The following CCBE1 variants were observed in gnomAD, a reference collection of about 807,000 sequenced individuals.
The protein encoded by CCBE1 is collagen and calcium-binding EGF domain-containing protein 1.
CCBE1 carries 37 observed loss-of-function variants against 50.0 expected under a neutral mutation model. The observed-to-expected ratio is 0.74, with a 90% CI of 0.57 to 0.97. The LOEUF (loss-of-function observed/expected upper bound fraction) is 0.97, where lower values mean the gene tolerates loss of function less well. CCBE1 is among the 50% of genes least tolerant of loss of function. The pLI is 0.00. For missense variants in CCBE1, 538 were observed against 523.8 expected, an observed-to-expected ratio of 1.03 and a Z score of -0.26; for synonymous variants, 234 against 203.7, an observed-to-expected ratio of 1.15 and a Z score of -1.27.
chr18:59,492,575 AG>A (rs1402603856), intron 2 of CCBE1, among the ~76,000 whole-genome samples: 1 of 152,092 alleles, frequency 6.6e-6, no homozygotes, highest in Non-Finnish European at 1.5e-5. Flanking sequence ...GTGATTGCGG[AG>A]GTGATGAGCC....
At chr18:59,666,929 C>A (rs1446813540) in intron 2 of CCBE1, among the ~76,000 whole-genome samples, 1 of 152,172 alleles carries the variant, frequency 6.6e-6, no homozygotes, top group Non-Finnish European at 1.5e-5. Context: ...CGTGCCACTG[C>A]ACTCCAGCCT....
At chr18:59,526,955 C>G (rs1223780861) in intron 2 of CCBE1, among the ~76,000 whole-genome samples, 2 of 151,830 alleles carry the variant, frequency 1.3e-5, no homozygotes, top group Non-Finnish European at 2.9e-5. Context: ...GAATAAGTAC[C>G]AAGTGGTGCT....
chr18:59,439,980 C>T lies in CCBE1; in HGVS notation c.776-164G>A, dbSNP rs11152148. Among the ~76,000 whole-genome samples the T allele has an allele frequency of 0.39, 59,490 of 152,106 alleles. 12,410 individuals are homozygous for T. The highest frequency in any genetic ancestry group is 0.66 in the East Asian group (3,404 of 5,162). On this transcript the variant is annotated intron_variant, in intron 7 of 10. Transcript: ENST00000439986. Reference sequence around the variant, plus strand: ...TCCCACAGGCATTTTAAACTTGATACGATCAAAAGCGGCTTCCCCATCTTC... The same window carrying T: ...TCCCACAGGCATTTTAAACTTGATATGATCAAAAGCGGCTTCCCCATCTTC...
At position 59,432,230 on chromosome 18, in the gene CCBE1, G is replaced by A. The variant is rs913723344; in HGVS notation, c.*3678C>T. ...CCCGCCTCAGCCTCCCAAAGTGTTG[G>A]GATTACAGGCATAACCACTGTGCCT... On this transcript the variant is annotated 3_prime_UTR_variant, in exon 11 of 11. Coordinates refer to ENST00000439986, the MANE Select transcript of CCBE1 (RefSeq NM_133459.4). 6.6e-6 allele frequency: 1 copy of A among 152,116 alleles called. No individual in the cohort carries two copies. 9.4% of individuals were successfully genotyped at this position (152,116 alleles called of 1,614,324 possible).
chr18:59,540,262 T>C (rs1915417954), intron 2 of CCBE1, among the ~76,000 whole-genome samples: 1 of 152,212 alleles, frequency 6.6e-6, no homozygotes, highest in Admixed American at 6.5e-5. Flanking sequence ...GTTTTTAGTA[T>C]TCATAATGGA....
At chr18:59,439,915 ACT>A (rs1910343358) in intron 7 of CCBE1, 99 bp from the exon 8 acceptor site, 1 of 1,318,318 alleles carries the variant, frequency 7.6e-7, no homozygotes, top group Non-Finnish European at 1.1e-6. Context: ...TTCTCTTTGT[ACT>A]CTCTCTGCCT....
intron 2 of CCBE1, among the ~76,000 whole-genome samples, chr18:59,494,873 A>AGGGG (rs1568170287): frequency 1.8e-4 from 28 of 152,020 alleles, no homozygotes; most frequent in African/African-American, 6.5e-4. Context: ...CCAGGGAGGG[A>AGGGG]CCAGGTGCTG....
chr18:59,624,484 C>T (rs2053753356), intron 2 of CCBE1, among the ~76,000 whole-genome samples: 1 of 152,194 alleles, frequency 6.6e-6, no homozygotes, highest in Non-Finnish European at 1.5e-5. Context: ...ATCTGGTGAA[C>T]ATAACTTTGC....
intron 2 of CCBE1, among the ~76,000 whole-genome samples, chr18:59,639,658 A>G (rs1191712363): frequency 6.6e-6 from 1 of 152,214 alleles, no homozygotes; most frequent in Admixed American, 6.5e-5. Flanking sequence ...TAGGCAAGAG[A>G]AAGAAATAAA....
At chr18:59,529,132 G>A (rs1914946791) in intron 2 of CCBE1, among the ~76,000 whole-genome samples, 1 of 152,208 alleles carries the variant, frequency 6.6e-6, no homozygotes, top group South Asian at 2.1e-4. Flanking sequence ...TCGTCCCAGG[G>A]AGATCAGAGT....
intron 2 of CCBE1, among the ~76,000 whole-genome samples, chr18:59,557,955 T>A (rs182690279): frequency 6.6e-6 from 1 of 152,350 alleles, no homozygotes; most frequent in Admixed American, 6.5e-5. Context: ...GATGACCATG[T>A]CACTATCATA....
At chr18:59,530,978 C>CTT (rs1374366674) in intron 2 of CCBE1, among the ~76,000 whole-genome samples, 1 of 152,150 alleles carries the variant, frequency 6.6e-6, no homozygotes, top group East Asian at 1.9e-4. Context: ...AATGAGCAAA[C>CTT]TTTTCCATTT....
chr18:59,501,936 C>T (rs675835), intron 2 of CCBE1, among the ~76,000 whole-genome samples: 21,722 of 152,138 alleles, frequency 0.14, 2,531 homozygotes, highest in East Asian at 0.55. Flanking sequence ...GTAGCTGCAA[C>T]TACAGGCGTG....
intron 2 of CCBE1, among the ~76,000 whole-genome samples, chr18:59,539,917 A>G (rs117095037): frequency 0.014 from 2,182 of 152,312 alleles, 34 homozygotes; most frequent in Non-Finnish European, 0.023. Flanking sequence ...TTTATAATAA[A>G]TAAGCTTTTT....
chr18:59,469,934 T>C (rs998750708), intron 3 of CCBE1, among the ~76,000 whole-genome samples: 3 of 152,162 alleles, frequency 2.0e-5, no homozygotes, highest in African/African-American at 4.8e-5. Flanking sequence ...TGCTGTTTTG[T>C]CTTGTTCATC....
intron 2 of CCBE1, among the ~76,000 whole-genome samples, chr18:59,585,140 C>G (rs577721625): frequency 1.6e-4 from 25 of 152,116 alleles, no homozygotes; most frequent in East Asian, 1.9e-4. Flanking sequence ...AGCCAAAAAG[C>G]CTTCAACATG....
At chr18:59,590,147 CTTAACA>C in intron 2 of CCBE1, among the ~76,000 whole-genome samples, 1 of 152,286 alleles carries the variant, frequency 6.6e-6, no homozygotes, top group Non-Finnish European at 1.5e-5. Context: ...ATTATTACTT[CTTAACA>C]TTAACATTCT....
rs1295841160 is a variant in CCBE1 at position 59,508,182 on chromosome 18, C to T, written c.213-27944G>A. Among the ~76,000 whole-genome samples the T allele has an allele frequency of 3.9e-5, 6 of 151,958 alleles. No individual in the cohort carries two copies. In the East Asian group the frequency reaches 7.8e-4, roughly 20 times the overall value. On this transcript the variant is annotated intron_variant, in intron 2 of 10. Transcript: ENST00000439986. ...CTGGGATTACAGGCATGAGCCACTG[C>T]GCCCCGCCGTTAATTAGTACTTCTC...
intron 6 of CCBE1, among the ~76,000 whole-genome samples, chr18:59,451,882 C>T (rs955099206): frequency 2.0e-5 from 3 of 151,994 alleles, no homozygotes; most frequent in Admixed American, 1.3e-4. Flanking sequence ...CCACCCCAGA[C>T]CCCCTCCTTC....
Sources: allele counts gnomAD v4.1 joint callset (sites outside exome capture counted in the v4.1 genomes callset), GRCh38; gene constraint gnomAD v4.1.1; transcripts MANE v1.5; gene names NCBI Gene and HGNC (gene_info 2026-07-23, HGNC 2026-07-21).